MAP3K15: variants seen among roughly 807,000 people sequenced by gnomAD.
The protein encoded by MAP3K15 is mitogen-activated protein kinase kinase kinase 15.
A neutral mutation model predicts 99.5 loss-of-function variants in MAP3K15; 124 were observed. That is an observed-to-expected ratio of 1.25 (90% CI 1.08 to 1.45). MAP3K15 has a LOEUF of 1.45. Ranked by LOEUF, MAP3K15 falls within the 40% of genes most tolerant of loss-of-function variation. The pLI is 0.00. For synonymous variants in MAP3K15, 494 were observed against 439.6 expected (o/e 1.12, Z -1.55); for missense variants, 1,242 against 1,079.7 (o/e 1.15, Z -2.11).
intron 6 of MAP3K15, among the ~76,000 whole-genome samples, chrX:19,446,957 C>T (rs2064002716): frequency 9.0e-6 from 1 of 110,931 alleles, no homozygotes; most frequent in South Asian, 3.8e-4. Flanking sequence ...GCTCTGTGGC[C>T]CAGGCTGGAA....
intron 10 of MAP3K15, 111 bp downstream of exon 10, chrX:19,414,996 A>G: frequency 1.5e-6 from 1 of 687,002 alleles, no homozygotes; most frequent in Non-Finnish European, 2.1e-6. Context: ...TTATCCCAAC[A>G]TTTAAAATTA....
chrX:19,412,971 C>T (rs1386395611), intron 11 of MAP3K15, among the ~76,000 whole-genome samples: 1 of 110,095 alleles, frequency 9.1e-6, no homozygotes, highest in Non-Finnish European at 1.9e-5. Flanking sequence ...AACTCCTGGG[C>T]TCAAGCAACC....
At chrX:19,384,828 C>T (rs1412996401) in intron 18 of MAP3K15, among the ~76,000 whole-genome samples, 3 of 91,863 alleles carry the variant, frequency 3.3e-5, no homozygotes, top group African/African-American at 1.2e-4. Context: ...TTGTTTGTAA[C>T]ACAAAGGATA....
chrX:19,403,852 C>T (rs1047176953), intron 13 of MAP3K15, among the ~76,000 whole-genome samples: 1 of 111,014 alleles, frequency 9.0e-6, no homozygotes, highest in African/African-American at 3.3e-5. Flanking sequence ...TACAAATGAA[C>T]TATGAATAAA....
intron 25 of MAP3K15, among the ~76,000 whole-genome samples, chrX:19,367,682 G>A (rs1275800176): frequency 1.2e-5 from 1 of 86,117 alleles, no homozygotes; most frequent in Non-Finnish European, 2.2e-5. Context: ...GCAACAAAGT[G>A]TCATTTGGAA....
intron 3 of MAP3K15, among the ~76,000 whole-genome samples, chrX:19,478,190 A>G (rs1202480357): frequency 5.9e-4 from 11 of 18,524 alleles, no homozygotes; most frequent in East Asian, 2.0e-3. Flanking sequence ...GAGAGAGGGA[A>G]GGAGGGGGAG....
In MAP3K15 at chrX:19,515,043, G is replaced by T; in HGVS notation, c.219C>A (p.Gly73=). 5.9e-6 allele frequency: 6 copies of T among 1,019,148 alleles called. No homozygotes were observed. The South Asian group carries it at 1.3e-4, about 23-fold the overall frequency. 84.0% of individuals were successfully genotyped at this position (1,019,148 alleles called of 1,213,427 possible). Residue 73 remains glycine (G), a synonymous_variant, in exon 1 of 29, where the codon GGC becomes GGA. Coordinates refer to ENST00000338883, the MANE Select transcript of MAP3K15 (RefSeq NM_001001671.4). ...AVYVRSESSQ[G]GAAGGPEAGA... ...CAGCCTCCGGGCCGCCGGCCGCGCC[G>T]CCCTGGGAGCTCTCACTGCGCACGT... is the stretch of plus-strand genomic sequence containing the variant.
In MAP3K15 at chrX:19,445,522, A is replaced by G. The variant is rs752883216; in HGVS notation, c.995+11391T>C. On this transcript the variant is annotated intron_variant, in intron 6 of 28. Coordinates refer to ENST00000338883, the MANE Select transcript of MAP3K15 (RefSeq NM_001001671.4). ...GGAGAATCGCTTGAACCGAGGAGGCAGAGGTTGCAGTGAGCTGAGATCACA... is the reference window on the plus strand; with the variant it reads ...GGAGAATCGCTTGAACCGAGGAGGCGGAGGTTGCAGTGAGCTGAGATCACA... Among the ~76,000 whole-genome samples, 197 of 104,625 alleles carry G rather than the reference A, an allele frequency of 1.9e-3. 1 individual carries two copies. Among genetic ancestry groups the G allele is most frequent in the African/African-American group, 6.6e-3 (187 of 28,384 alleles). 90.9% of individuals were successfully genotyped at this position (104,625 alleles called of 115,157 possible).
chrX:19,456,119 T>G lies in MAP3K15; in HGVS notation c.995+794A>C, dbSNP rs759800545. ...TCAGAATCCTACCACTGTTTGCCGA[T>G]GTCTACTACAAGCACATGCTATATA... On this transcript the variant is annotated intron_variant, in intron 6 of 28. Coordinates refer to ENST00000338883, the MANE Select transcript of MAP3K15 (RefSeq NM_001001671.4). 6.3e-5 allele frequency among the ~76,000 whole-genome samples: 7 copies of G among 111,149 alleles called. No homozygotes were observed. In the East Asian group the frequency reaches 2.0e-3, roughly 31 times the overall value.
chrX:19,489,000 G>A (rs2064349244), intron 1 of MAP3K15, 33 bp from the exon 2 acceptor site: 4 of 1,177,809 alleles, frequency 3.4e-6, no homozygotes, highest in East Asian at 3.0e-5. Context: ...AGGATTAGGG[G>A]AGATGATCTG....
chrX:19,475,114 T>C (rs1455367483), intron 3 of MAP3K15, among the ~76,000 whole-genome samples: 2 of 110,904 alleles, frequency 1.8e-5, no homozygotes, highest in African/African-American at 6.6e-5. Flanking sequence ...CTCACTGTGA[T>C]GTAGAATCAA....
chrX:19,473,583 T>C (rs972221128), intron 3 of MAP3K15, among the ~76,000 whole-genome samples: 2 of 112,033 alleles, frequency 1.8e-5, no homozygotes, highest in Non-Finnish European at 3.8e-5. Context: ...CACATTAAAA[T>C]GTAAAGTCCT....
chrX:19,362,943 T>A (rs1229913746), intron 25 of MAP3K15, 93 bp from the exon 26 acceptor site: 1 of 498,320 alleles, frequency 2.0e-6, no homozygotes, highest in African/African-American at 2.4e-5. Context: ...ACATTAGAGA[T>A]GGAAAAAAAA....
At chrX:19,506,318 C>T (rs1475603812) in intron 1 of MAP3K15, among the ~76,000 whole-genome samples, 2 of 111,395 alleles carry the variant, frequency 1.8e-5, no homozygotes, top group African/African-American at 6.5e-5. Context: ...GATCCACCCA[C>T]CTTGGCCTCC....
chrX:19,480,311 A>G (rs1161619231), intron 3 of MAP3K15, among the ~76,000 whole-genome samples: 1 of 110,767 alleles, frequency 9.0e-6, no homozygotes, highest in African/African-American at 3.3e-5. Flanking sequence ...GAACTTTGAG[A>G]GGCCCCAAAT....
At chrX:19,478,322 G>C (rs1402745568) in intron 3 of MAP3K15, among the ~76,000 whole-genome samples, 2 of 102,939 alleles carry the variant, frequency 1.9e-5, no homozygotes, top group Non-Finnish European at 4.0e-5. Flanking sequence ...TTGAGTCTTT[G>C]CTAATAAAAG....
chrX:19,511,608 T>C (rs5955808), intron 1 of MAP3K15, among the ~76,000 whole-genome samples: 31,007 of 110,564 alleles, frequency 0.28, 4,488 homozygotes, highest in African/African-American at 0.57. Flanking sequence ...CAAATCAAAA[T>C]CACAATGAGA....
intron 3 of MAP3K15, among the ~76,000 whole-genome samples, chrX:19,467,297 C>T (rs1269451951): frequency 9.0e-6 from 1 of 110,997 alleles, no homozygotes; most frequent in Non-Finnish European, 1.9e-5. Context: ...AAAAGGGCTC[C>T]CTCTTGTCCC....
intron 3 of MAP3K15, among the ~76,000 whole-genome samples, chrX:19,483,257 C>CAA (rs57191935): frequency 9.5e-5 from 5 of 52,594 alleles, no homozygotes; most frequent in East Asian, 1.2e-3. Context: ...GACTCCATCT[C>CAA]AAAAAAAAAA....
Sources: gnomAD v4.1 joint callset for allele counts (sites outside exome capture counted in the v4.1 genomes callset) on GRCh38, gnomAD v4.1.1 for gene constraint, MANE v1.5 for transcripts, NCBI Gene and HGNC (gene_info 2026-07-23, HGNC 2026-07-21) for gene names.